SSBP3: variants seen among roughly 807,000 people sequenced by gnomAD.
SSBP3 encodes single-stranded DNA-binding protein 3.
Under a neutral mutation model 69.6 loss-of-function variants are expected in SSBP3, and 5 were observed. The ratio of observed to expected loss-of-function variants is 0.07; its 90% confidence interval spans 0.04 to 0.15. SSBP3 has a LOEUF of 0.15. SSBP3 is among the 10% of genes least tolerant of loss of function. SSBP3 has a pLI of 1.00. For missense variants in SSBP3, 312 were observed against 534.0 expected (o/e 0.58, Z 4.10); for synonymous variants, 196 against 193.4 (o/e 1.01, Z -0.11).
intron 4 of SSBP3, among the ~76,000 whole-genome samples, chr1:54,306,480 CT>C (rs990004282): frequency 1.3e-5 from 2 of 152,220 alleles, no homozygotes; most frequent in African/African-American, 4.8e-5. Flanking sequence ...GCAGCCTCAC[CT>C]GAGGCCATCT....
chr1:54,319,679 G>T (rs566766514), intron 4 of SSBP3, among the ~76,000 whole-genome samples: 1 of 151,886 alleles, frequency 6.6e-6, no homozygotes. Context: ...CCAGGCTGGC[G>T]CGAGCCTTCC....
chr1:54,392,091 T>TAC (rs1570035217), intron 4 of SSBP3, among the ~76,000 whole-genome samples: 1 of 152,314 alleles, frequency 6.6e-6, no homozygotes, highest in East Asian at 1.9e-4. Flanking sequence ...AGCTGTTACT[T>TAC]ACTCTGCCTT....
At chr1:54,239,658 G>A (rs965247616) in intron 13 of SSBP3, among the ~76,000 whole-genome samples, 2 of 152,242 alleles carry the variant, frequency 1.3e-5, no homozygotes, top group African/African-American at 4.8e-5. Flanking sequence ...GGCAGGGATG[G>A]GGCTGGAAAC....
intron 3 of SSBP3, among the ~76,000 whole-genome samples, chr1:54,403,305 A>C (rs1344627709): frequency 6.6e-6 from 1 of 152,212 alleles, no homozygotes; most frequent in Non-Finnish European, 1.5e-5. Context: ...GTCTTCTGGA[A>C]CTGTACACAT....
intron 14 of SSBP3, among the ~76,000 whole-genome samples, chr1:54,230,520 T>C (rs1054912641): frequency 1.3e-5 from 2 of 152,234 alleles, no homozygotes; most frequent in Non-Finnish European, 2.9e-5. Flanking sequence ...TTAAGTTTTA[T>C]TGAGATATAA....
At chr1:54,359,351 G>GTTT (rs1414057491) in intron 4 of SSBP3, among the ~76,000 whole-genome samples, 1 of 152,112 alleles carries the variant, frequency 6.6e-6, no homozygotes, top group East Asian at 1.9e-4. Context: ...CATCACTGAA[G>GTTT]GTAAAGCAGA....
At chr1:54,317,364 T>G (rs756274722) in intron 4 of SSBP3, among the ~76,000 whole-genome samples, 1 of 151,936 alleles carries the variant, frequency 6.6e-6, no homozygotes, top group Admixed American at 6.5e-5. Context: ...CAGTGAAAAC[T>G]TGTCTCTACA....
At chr1:54,262,121 G>T (rs562996347) in intron 5 of SSBP3, among the ~76,000 whole-genome samples, 24 of 152,276 alleles carry the variant, frequency 1.6e-4, no homozygotes, top group African/African-American at 5.5e-4. Context: ...CTCTGCCCCT[G>T]ACTGCATTTC....
intron 4 of SSBP3, among the ~76,000 whole-genome samples, chr1:54,362,794 C>G (rs1646969891): frequency 6.6e-6 from 1 of 152,238 alleles, no homozygotes; most frequent in African/African-American, 2.4e-5. Flanking sequence ...ACACGCTAGA[C>G]TGCCCTGGGG....
rs686611 is a variant in SSBP3, at chr1:54,253,192, G to A, written c.508-1332C>T. Among the ~76,000 whole-genome samples, 404 of 132,926 alleles carry A rather than the reference G, an allele frequency of 3.0e-3. 4 individuals carry two copies. The highest frequency in any genetic ancestry group is 0.01 in the African/African-American group (352 of 34,486). The allele number at this position is 132,926 out of a possible 152,430, so 87.2% of individuals were successfully genotyped here. The stretch of plus-strand genomic sequence containing the variant: ...TGTTTTTGTTTTTTTTTTAGTTTTT[G>A]TTTTTTTTTTTTTTTAAGACAGGGT... On this transcript the variant is annotated intron_variant, in intron 7 of 17. Transcript: ENST00000610401.
chr1:54,378,347 G>C (rs1647349333), intron 4 of SSBP3, among the ~76,000 whole-genome samples: 1 of 152,214 alleles, frequency 6.6e-6, no homozygotes, highest in Non-Finnish European at 1.5e-5. Flanking sequence ...TCGCTACCCA[G>C]AGGTGTGGGT....
chr1:54,312,904 C>T (rs969236432), intron 4 of SSBP3, among the ~76,000 whole-genome samples: 1 of 152,168 alleles, frequency 6.6e-6, no homozygotes, highest in African/African-American at 2.4e-5. Context: ...CACTTTGAAT[C>T]CACTTCAGAA....
At chr1:54,324,999 G>A (rs1646275212) in intron 4 of SSBP3, among the ~76,000 whole-genome samples, 1 of 152,234 alleles carries the variant, frequency 6.6e-6, no homozygotes, top group South Asian at 2.1e-4. Flanking sequence ...GCAGCAGCCA[G>A]CACTGGGGAG....
intron 4 of SSBP3, among the ~76,000 whole-genome samples, chr1:54,341,582 A>G (rs1646606947): frequency 6.6e-6 from 1 of 152,188 alleles, no homozygotes; most frequent in Non-Finnish European, 1.5e-5. Context: ...AAAAGTGAAC[A>G]GGACAGTAAA....
intron 4 of SSBP3, among the ~76,000 whole-genome samples, chr1:54,300,822 G>A (rs1433838441): frequency 1.3e-5 from 2 of 152,158 alleles, no homozygotes; most frequent in Non-Finnish European, 2.9e-5. Flanking sequence ...AAGAGCAATG[G>A]ACCCCATTTT....
chr1:54,349,432 T>C (rs1646745852), intron 4 of SSBP3, among the ~76,000 whole-genome samples: 2 of 152,242 alleles, frequency 1.3e-5, no homozygotes, highest in Non-Finnish European at 2.9e-5. Context: ...CAAAACTGCA[T>C]GATACACTGA....
At chr1:54,377,105 G>A (rs1647269767) in intron 4 of SSBP3, among the ~76,000 whole-genome samples, 1 of 152,242 alleles carries the variant, frequency 6.6e-6, no homozygotes, top group South Asian at 2.1e-4. Flanking sequence ...GGAAATGCCA[G>A]AGGGCTGGCA....
chr1:54,287,313 C>T (rs908857723), intron 4 of SSBP3: 1 of 152,254 alleles, frequency 6.6e-6, no homozygotes, highest in Non-Finnish European at 1.5e-5. Flanking sequence ...CCCTAATACT[C>T]AGGCCTTGGC....
At chr1:54,268,340 G>A (rs1273656335) in intron 5 of SSBP3, among the ~76,000 whole-genome samples, 2 of 152,374 alleles carry the variant, frequency 1.3e-5, no homozygotes, top group Non-Finnish European at 2.9e-5. Context: ...AGGCTCCACT[G>A]TTAATCATGA....
Sources: allele counts gnomAD v4.1 joint callset (sites outside exome capture counted in the v4.1 genomes callset), GRCh38; gene constraint gnomAD v4.1.1; transcripts MANE v1.5; gene names NCBI Gene and HGNC (gene_info 2026-07-23, HGNC 2026-07-21).